PLXNA4: variants seen among roughly 807,000 people sequenced by gnomAD.
PLXNA4 encodes the protein plexin A4.
A neutral mutation model predicts 191.8 loss-of-function variants in PLXNA4; 44 were observed. That is an observed-to-expected ratio of 0.23 (90% CI 0.18 to 0.29). The LOEUF is 0.29. PLXNA4 is among the 10% of genes least tolerant of loss of function. PLXNA4 has a pLI of 1.00. For synonymous variants in PLXNA4, 1,082 were observed against 1,009.5 expected, an observed-to-expected ratio of 1.07 and a Z score of -1.36; for missense variants, 1,800 against 2,488.8, an observed-to-expected ratio of 0.72 and a Z score of 5.89.
chr7:132,332,728 C>T (rs141438794), intron 3 of PLXNA4, among the ~76,000 whole-genome samples: 34 of 151,642 alleles, frequency 2.2e-4, no homozygotes, highest in Non-Finnish European at 4.0e-4. Context: ...GTGTGGTGGG[C>T]GAGGGCCTGT....
intron 4 of PLXNA4, among the ~76,000 whole-genome samples, chr7:132,284,123 T>A (rs949278668): frequency 2.6e-5 from 4 of 152,224 alleles, no homozygotes; most frequent in African/African-American, 9.7e-5. Context: ...CAGTGAGCTA[T>A]GATGGCACCA....
At chr7:132,306,054 C>A (rs1801508223) in intron 3 of PLXNA4, among the ~76,000 whole-genome samples, 1 of 152,124 alleles carries the variant, frequency 6.6e-6, no homozygotes, top group Non-Finnish European at 1.5e-5. Context: ...CCCACCTAGA[C>A]CCTCAAACCT....
intron 3 of PLXNA4, among the ~76,000 whole-genome samples, chr7:132,402,469 C>A (rs1794030835): frequency 6.6e-6 from 1 of 152,220 alleles, no homozygotes; most frequent in South Asian, 2.1e-4. Context: ...TGGAGAACAT[C>A]TCTTTGCCTT....
At chr7:132,644,339 T>C (rs1381931650) in intron 2 of PLXNA4, among the ~76,000 whole-genome samples, 1 of 152,222 alleles carries the variant, frequency 6.6e-6, no homozygotes, top group Non-Finnish European at 1.5e-5. Flanking sequence ...GAAACATTCA[T>C]TATCACTATC....
intron 2 of PLXNA4, among the ~76,000 whole-genome samples, chr7:132,582,629 C>T (rs1368468933): frequency 6.6e-6 from 1 of 152,154 alleles, no homozygotes; most frequent in African/African-American, 2.4e-5. Flanking sequence ...AGTGAGCCAC[C>T]CTAGGAGCCC....
At chr7:132,624,472 C>A (rs769071402) in intron 2 of PLXNA4, among the ~76,000 whole-genome samples, 4 of 152,068 alleles carry the variant, frequency 2.6e-5, no homozygotes, top group Non-Finnish European at 5.9e-5. Context: ...AATGTTTATG[C>A]CAGAGGTCAC....
chr7:132,233,152 T>A (rs1176196775), intron 5 of PLXNA4, among the ~76,000 whole-genome samples: 6 of 152,206 alleles, frequency 3.9e-5, no homozygotes, highest in African/African-American at 1.2e-4. Context: ...AAAGTTAAGA[T>A]AATTTAGAAT....
chr7:132,180,275 T>C (rs1331908350), intron 19 of PLXNA4, among the ~76,000 whole-genome samples: 1 of 152,148 alleles, frequency 6.6e-6, no homozygotes, highest in East Asian at 1.9e-4. Context: ...AACATGATAT[T>C]AAGATATTAC....
chr7:132,645,968 G>T (rs1439214837), exon 2 of PLXNA4: 1 of 152,592 alleles, frequency 6.6e-6, no homozygotes, highest in Non-Finnish European at 1.5e-5. Context: ...GGATCTGAGG[G>T]GTCATGGACA....
At chr7:132,227,393 TCTC>T (rs1019031666) in intron 7 of PLXNA4, 55 bp downstream of exon 7, 9 of 1,607,578 alleles carry the variant, frequency 5.6e-6, no homozygotes, top group Non-Finnish European at 3.4e-6. Flanking sequence ...TGTCCTGAGT[TCTC>T]CTTATCTAGC....
At chr7:132,454,030 C>A (rs1796225228) in intron 3 of PLXNA4, among the ~76,000 whole-genome samples, 1 of 152,218 alleles carries the variant, frequency 6.6e-6, no homozygotes, top group African/African-American at 2.4e-5. Flanking sequence ...TCCCTGCTCT[C>A]TGGTGTGGGC....
At chr7:132,486,078 G>C (rs939344227) in intron 3 of PLXNA4, among the ~76,000 whole-genome samples, 21 of 152,080 alleles carry the variant, frequency 1.4e-4, no homozygotes, top group South Asian at 4.2e-4. Context: ...CCAGTCTCTT[G>C]TCATACCGTA....
chr7:132,253,296 C>T (rs1331433449), intron 4 of PLXNA4, among the ~76,000 whole-genome samples: 2 of 146,338 alleles, frequency 1.4e-5, no homozygotes, highest in African/African-American at 2.5e-5. Context: ...AGTGCAGTGG[C>T]GCGATCTCAG....
chr7:132,646,126 GATCT>G (rs1253470383), intron 1 of PLXNA4: 1 of 152,498 alleles, frequency 6.6e-6, no homozygotes, highest in Non-Finnish European at 1.5e-5. Flanking sequence ...GTATTATTCT[GATCT>G]TTCTCTGTCA....
chr7:132,171,145 GA>G (rs1311637556), intron 21 of PLXNA4, among the ~76,000 whole-genome samples: 1 of 152,230 alleles, frequency 6.6e-6, no homozygotes, highest in Non-Finnish European at 1.5e-5. Context: ...AAATTACTCA[GA>G]AGAGCAGTTC....
chr7:132,210,259 G>A (rs1259665224), intron 10 of PLXNA4, among the ~76,000 whole-genome samples: 1 of 152,188 alleles, frequency 6.6e-6, no homozygotes, highest in East Asian at 1.9e-4. Context: ...TGGCAGGTGC[G>A]AAGGGAAGTC....
chr7:132,124,145 G>C lies in PLXNA4; in HGVS notation c.*6334C>G, dbSNP rs1333084870. On this transcript the variant is annotated 3_prime_UTR_variant, in exon 32 of 32. Coordinates refer to ENST00000321063, the MANE Select transcript of PLXNA4 (RefSeq NM_020911.2). ...AGACCGTATGTCTCAAGGACACCAG[G>C]CCAAGGTAGGGAGTGGTGAGGGGAG... 6.6e-6 allele frequency: 1 copy of C among 152,234 alleles called. No homozygotes were observed. The highest frequency in any genetic ancestry group is 1.5e-5 in the Non-Finnish European group (1 of 68,052). 9.4% of individuals were successfully genotyped at this position (152,234 alleles called of 1,614,324 possible). A position where few individuals can be genotyped will look rare whatever the true frequency, so the allele number is the denominator to read the frequency against.
intron 1 of PLXNA4, among the ~76,000 whole-genome samples, chr7:132,535,947 C>T (rs1037989676): frequency 2.6e-5 from 4 of 152,178 alleles, no homozygotes; most frequent in African/African-American, 9.7e-5. Flanking sequence ...GAGAGTAGAT[C>T]ATTTTAAAGG....
chr7:132,446,993 C>T (rs1198481704), intron 3 of PLXNA4, among the ~76,000 whole-genome samples: 3 of 152,156 alleles, frequency 2.0e-5, no homozygotes, highest in African/African-American at 4.8e-5. Flanking sequence ...GGCATCTTTG[C>T]CCAGTGATCT....
Sources: allele counts gnomAD v4.1 joint callset (sites outside exome capture counted in the v4.1 genomes callset), GRCh38; gene constraint gnomAD v4.1.1; transcripts MANE v1.5; gene names NCBI Gene and HGNC (gene_info 2026-07-23, HGNC 2026-07-21).